ATP6AP2: variants seen among roughly 807,000 people sequenced by gnomAD.
ATP6AP2 encodes ATPase H+ transporting accessory protein 2.
ATP6AP2 carries 1 observed loss-of-function variant against 23.4 expected under a neutral mutation model. The observed-to-expected ratio is 0.04, with a 90% confidence interval of 0.02 to 0.20. The LOEUF is 0.20. Ranked by LOEUF, ATP6AP2 falls within the 10% of genes least tolerant of loss-of-function variation. ATP6AP2 has a pLI of 1.00. For missense variants in ATP6AP2, 174 were observed against 271.3 expected, an observed-to-expected ratio of 0.64 and a Z score of 2.52; for synonymous variants, 90 against 97.1, an observed-to-expected ratio of 0.93 and a Z score of 0.43.
intron 8 of ATP6AP2, chrX:40,603,355 C>CAAAAAAA (rs57067255): frequency 2.1e-5 from 2 of 97,064 alleles, no homozygotes; most frequent in African/African-American, 7.9e-5. Flanking sequence ...ACATGTTTAT[C>CAAAAAAA]AAAAAAAAAA....
At position 40,602,215 on chromosome X, in the gene ATP6AP2, G is replaced by C. The variant is rs1031434660; in HGVS notation, c.858+1334G>C. On this transcript the variant is annotated intron_variant, in intron 8 of 8. Coordinates refer to ENST00000636580, the MANE Select transcript of ATP6AP2 (RefSeq NM_005765.3). ...GAGAATTGCTTGTACCCGGGAGGCAGAGGTTGCAGTGAGCCAAGATTGCAC... is the reference window on the plus strand; with the variant it reads ...GAGAATTGCTTGTACCCGGGAGGCACAGGTTGCAGTGAGCCAAGATTGCAC... Among the ~76,000 whole-genome samples, 38 of 101,064 alleles carry C rather than the reference G, an allele frequency of 3.8e-4. 3 individuals are homozygous for C. Among genetic ancestry groups the C allele is most frequent in the African/African-American group, 1.7e-3 (38 of 22,164 alleles). 87.8% of individuals were successfully genotyped at this position (101,064 alleles called of 115,157 possible). A position where few individuals can be genotyped will look rare whatever the true frequency, so the allele number is the denominator to read the frequency against.
At chrX:40,604,536 G>A (rs997981684) in intron 8 of ATP6AP2, among the ~76,000 whole-genome samples, 2 of 110,955 alleles carry the variant, frequency 1.8e-5, no homozygotes, top group Admixed American at 1.9e-4. Flanking sequence ...TCCCTCTCTC[G>A]ACACGTGGGG....
chrX:40,594,864 CGTG>C (rs1432864434), intron 3 of ATP6AP2, among the ~76,000 whole-genome samples: 1 of 111,411 alleles, frequency 9.0e-6, no homozygotes, highest in Non-Finnish European at 1.9e-5. Context: ...GTGCAGCTAA[CGTG>C]GTAAGAAAAG....
chrX:40,601,564 A>G (rs1477611194), intron 8 of ATP6AP2, among the ~76,000 whole-genome samples: 1 of 112,145 alleles, frequency 8.9e-6, no homozygotes, highest in Non-Finnish European at 1.9e-5. Context: ...ATGTGTATGT[A>G]CGTGCACATT....
Position 40,589,558 on chromosome X carries a change from G to GTT in ATP6AP2, c.168+453_168+454dup, listed in dbSNP as rs202012320. ...CTCTTAATAGGATATCTACTTTCTG[G>GTT]TTTTTTTTTTTTAGTATAGGCGATA... On this transcript the variant is annotated intron_variant, in intron 2 of 8. Coordinates refer to ENST00000636580, the MANE Select transcript of ATP6AP2 (RefSeq NM_005765.3). 9.5e-3 allele frequency: 1,029 copies of GTT among 108,185 alleles called. 11 individuals are homozygous for GTT. The highest frequency in any genetic ancestry group is 0.034 in the African/African-American group (969 of 28,266). The allele number at this position is 108,185 out of a possible 1,213,427, so 8.9% of individuals were successfully genotyped here.
intron 7 of ATP6AP2, 160 bp from the exon 8 acceptor site, chrX:40,600,602 A>G: frequency 6.4e-6 from 3 of 469,547 alleles, no homozygotes; most frequent in Non-Finnish European, 1.0e-5. Flanking sequence ...GAGGTAATGC[A>G]TATGTTAATT....
intron 8 of ATP6AP2, among the ~76,000 whole-genome samples, chrX:40,602,380 G>A (rs1448018424): frequency 4.0e-5 from 4 of 100,236 alleles, no homozygotes; most frequent in Non-Finnish European, 5.7e-5. Flanking sequence ...GCCGGGTGCG[G>A]TGGCTCACAC....
chrX:40,603,643 A>T (rs181309016), intron 8 of ATP6AP2, among the ~76,000 whole-genome samples: 1 of 111,537 alleles, frequency 9.0e-6, no homozygotes, highest in Non-Finnish European at 1.9e-5. Flanking sequence ...CTCCCACCTC[A>T]TTTGACTGCC....
rs558991501 is a variant in ATP6AP2 at position 40,588,982 on chromosome X, T to C, written c.38-4T>C. On this transcript the variant is annotated splice_polypyrimidine_tract_variant and splice_region_variant and intron_variant, in intron 1 of 8. Coordinates refer to ENST00000636580, the MANE Select transcript of ATP6AP2 (RefSeq NM_005765.3). ...ATTCATTTACTGATCTGTTTTCTTT[T>C]CAGGTGTTTTGGGGAACGAGTTTAG... 1 of 1,206,682 alleles carries C rather than the reference T, an allele frequency of 8.3e-7. No homozygotes were observed. Among genetic ancestry groups the C allele is most frequent in the African/African-American group, 1.7e-5 (1 of 57,183 alleles).
intron 1 of ATP6AP2, among the ~76,000 whole-genome samples, chrX:40,586,035 G>T (rs1293547627): frequency 9.0e-6 from 1 of 110,913 alleles, no homozygotes; most frequent in Admixed American, 9.6e-5. Flanking sequence ...TTTAGTTATA[G>T]AATGGGAGTG....
Position 40,605,861 on chromosome X carries a change from A to G in ATP6AP2, c.*106A>G. On this transcript the variant is annotated 3_prime_UTR_variant, in exon 9 of 9. Coordinates refer to ENST00000636580, the MANE Select transcript of ATP6AP2 (RefSeq NM_005765.3). ...TAGATAGTATACTTTACATTTATAA[A>G]AAAAAATCAAATTTTGTTCTTTATT... 1.4e-6 allele frequency: 1 copy of G among 723,846 alleles called. No homozygotes were observed. Among genetic ancestry groups the G allele is most frequent in the African/African-American group, 2.2e-5 (1 of 46,383 alleles). 59.7% of individuals were successfully genotyped at this position (723,846 alleles called of 1,213,427 possible). A position where few individuals can be genotyped will look rare whatever the true frequency, so the allele number is the denominator to read the frequency against.
chrX:40,602,054 G>GACAAATC (rs1569261467), intron 8 of ATP6AP2, among the ~76,000 whole-genome samples: 55 of 101,938 alleles, frequency 5.4e-4, no homozygotes, highest in African/African-American at 2.0e-3. Context: ...GGTTGAGGCG[G>GACAAATC]GCGGAACACC....
chrX:40,598,282 G>A (rs924182508), intron 5 of ATP6AP2: 2 of 181,206 alleles, frequency 1.1e-5, no homozygotes, highest in Non-Finnish European at 2.0e-5. Context: ...TATTTGCTGT[G>A]GATGACCAGG....
At chrX:40,586,754 A>G (rs1435146054) in intron 1 of ATP6AP2, among the ~76,000 whole-genome samples, 3 of 111,836 alleles carry the variant, frequency 2.7e-5, no homozygotes, top group African/African-American at 3.3e-5. Flanking sequence ...TTATACTTAT[A>G]ATAAGCAGAA....
intron 2 of ATP6AP2, chrX:40,590,129 C>T (rs1397375564): frequency 1.8e-5 from 2 of 111,688 alleles, no homozygotes; most frequent in Middle Eastern, 4.5e-3. Flanking sequence ...CCTCAAACTC[C>T]AGGGCCCAAG....
intron 2 of ATP6AP2, chrX:40,590,252 T>G (rs1926593166): frequency 8.9e-6 from 1 of 112,321 alleles, no homozygotes; most frequent in Admixed American, 9.5e-5. Flanking sequence ...GGTCTCGCTA[T>G]GTTGTCCAGG....
chrX:40,596,003 A>C (rs1926766217), intron 3 of ATP6AP2: 1 of 110,487 alleles, frequency 9.1e-6, no homozygotes, highest in Non-Finnish European at 1.9e-5. Context: ...ACTTGATGAA[A>C]CCCCGTCTCT....
At chrX:40,591,455 C>G (rs760326273) in intron 3 of ATP6AP2, 90 bp downstream of exon 3, 1 of 1,015,287 alleles carries the variant, frequency 9.8e-7, no homozygotes. Context: ...ACATACTTCT[C>G]TTATCTGTTT....
At chrX:40,594,755 T>C (rs1187249768) in intron 3 of ATP6AP2, among the ~76,000 whole-genome samples, 1 of 112,846 alleles carries the variant, frequency 8.9e-6, no homozygotes, top group Admixed American at 9.4e-5. Context: ...GATGCACTCC[T>C]AAATAATTCA....
Sources: allele counts gnomAD v4.1 joint callset (sites outside exome capture counted in the v4.1 genomes callset), GRCh38; gene constraint gnomAD v4.1.1; transcripts MANE v1.5; gene names NCBI Gene and HGNC (gene_info 2026-07-23, HGNC 2026-07-21).